Variants in KCNIP4 observed in about 807,000 individuals in gnomAD.
The protein encoded by KCNIP4 is Kv channel-interacting protein 4.
A neutral mutation model predicts 34.0 loss-of-function variants in KCNIP4; 12 were observed. The ratio of observed to expected loss-of-function variants is 0.35; its 90% CI spans 0.23 to 0.57. KCNIP4 has a LOEUF of 0.57. Among genes scored for constraint, KCNIP4 ranks in the 20% least tolerant of loss-of-function variants. The pLI is 0.83. For synonymous variants in KCNIP4, 124 were observed against 102.2 expected, an observed-to-expected ratio of 1.21 and a Z score of -1.29; for missense variants, 238 against 311.7, an observed-to-expected ratio of 0.76 and a Z score of 1.78.
intron 1 of KCNIP4, among the ~76,000 whole-genome samples, chr4:20,961,193 G>T (rs1057020679): frequency 6.6e-6 from 1 of 152,066 alleles, no homozygotes; most frequent in African/African-American, 2.4e-5. Context: ...AAAATAATAT[G>T]CAAGGCAAAT....
chr4:21,669,791 C>T (rs1319764377), intron 1 of KCNIP4, among the ~76,000 whole-genome samples: 2 of 152,136 alleles, frequency 1.3e-5, no homozygotes, highest in East Asian at 1.9e-4. Context: ...TTGCTATGCA[C>T]GAGCTTTTCA....
At chr4:21,222,088 T>C (rs537734566) in intron 1 of KCNIP4, among the ~76,000 whole-genome samples, 1 of 152,320 alleles carries the variant, frequency 6.6e-6, no homozygotes, top group South Asian at 2.1e-4. Context: ...CTTAGAGCAA[T>C]AGAAGTGACT....
At chr4:21,242,552 G>A (rs6833463) in intron 1 of KCNIP4, among the ~76,000 whole-genome samples, 33,813 of 152,058 alleles carry the variant, frequency 0.22, 4,221 homozygotes, top group South Asian at 0.43. Context: ...CAGTTAAGTA[G>A]ATTGCCACCT....
In KCNIP4 at chr4:21,285,654, C is replaced by T. The variant is rs1266376125; in HGVS notation, c.62-402945G>A. On this transcript the variant is annotated intron_variant, in intron 1 of 8. Transcript: ENST00000382152. ...GATCAGCCTGGCCAACTTGGTGAAA[C>T]TCCGTCTCTACTAAAAATCCAAAAA... is the stretch of plus-strand genomic sequence containing the variant. 3.3e-5 allele frequency among the ~76,000 whole-genome samples: 5 copies of T among 151,954 alleles called. No individual in the cohort carries two copies. The East Asian group carries it at 9.8e-4, about 30-fold the overall frequency.
At chr4:21,632,136 A>G (rs1745809726) in intron 1 of KCNIP4, among the ~76,000 whole-genome samples, 2 of 152,142 alleles carry the variant, frequency 1.3e-5, no homozygotes. Context: ...ATCTTCTAAC[A>G]TAATAGATTC....
intron 4 of KCNIP4, among the ~76,000 whole-genome samples, chr4:20,758,074 G>A (rs1367052210): frequency 6.6e-6 from 1 of 152,236 alleles, no homozygotes; most frequent in South Asian, 2.1e-4. Flanking sequence ...CCCCCTACGT[G>A]ATCAGCACCT....
intron 1 of KCNIP4, among the ~76,000 whole-genome samples, chr4:21,572,874 G>T (rs1391855503): frequency 6.6e-6 from 1 of 152,070 alleles, no homozygotes; most frequent in Admixed American, 6.6e-5. Context: ...TGATCCACTG[G>T]CCTCTGGCTC....
intron 1 of KCNIP4, among the ~76,000 whole-genome samples, chr4:21,078,983 C>T (rs1745765177): frequency 6.6e-6 from 1 of 152,064 alleles, no homozygotes; most frequent in African/African-American, 2.4e-5. Flanking sequence ...CTGTAGGAGC[C>T]TCCCTCTTGG....
At chr4:20,875,340 A>G (rs920477741) in intron 2 of KCNIP4, among the ~76,000 whole-genome samples, 1 of 152,194 alleles carries the variant, frequency 6.6e-6, no homozygotes, top group Non-Finnish European at 1.5e-5. Context: ...TGATTCAGAA[A>G]TTAAATAATC....
intron 1 of KCNIP4, among the ~76,000 whole-genome samples, chr4:21,137,491 A>G (rs1054752989): frequency 6.6e-6 from 1 of 152,172 alleles, no homozygotes; most frequent in Non-Finnish European, 1.5e-5. Flanking sequence ...TCTTTAGTTA[A>G]AAAAAGAGGC....
At chr4:21,491,738 A>G (rs1180260716) in intron 1 of KCNIP4, among the ~76,000 whole-genome samples, 2 of 152,130 alleles carry the variant, frequency 1.3e-5, no homozygotes, top group African/African-American at 4.8e-5. Context: ...AAACATCTAC[A>G]TTTTAAGGTT....
chr4:21,101,968 T>C (rs1747987217), intron 1 of KCNIP4, among the ~76,000 whole-genome samples: 1 of 152,062 alleles, frequency 6.6e-6, no homozygotes, highest in Non-Finnish European at 1.5e-5. Flanking sequence ...GGTGGAAAGA[T>C]GGAGACACAA....
At chr4:20,814,906 T>C (rs1010377245) in intron 3 of KCNIP4, among the ~76,000 whole-genome samples, 11 of 152,214 alleles carry the variant, frequency 7.2e-5, no homozygotes, top group Non-Finnish European at 1.6e-4. Flanking sequence ...GATAGTTTTC[T>C]AATTTTGGAT....
At chr4:21,804,505 G>T (rs192714819) in intron 1 of KCNIP4, among the ~76,000 whole-genome samples, 32 of 152,168 alleles carry the variant, frequency 2.1e-4, no homozygotes, top group Non-Finnish European at 2.8e-4. Flanking sequence ...CCTGTGACTT[G>T]GTTGTAGAAG....
chr4:20,810,602 C>T (rs1010868836), intron 3 of KCNIP4, among the ~76,000 whole-genome samples: 3 of 152,112 alleles, frequency 2.0e-5, no homozygotes, highest in Non-Finnish European at 4.4e-5. Context: ...CAGCTTTAGT[C>T]TTCCATGTGA....
At chr4:20,843,702 C>A (rs550936687) in intron 3 of KCNIP4, among the ~76,000 whole-genome samples, 1 of 152,100 alleles carries the variant, frequency 6.6e-6, no homozygotes. Context: ...TGCATTCCAG[C>A]CTGGGTGACA....
chr4:21,216,345 A>G (rs773567817), intron 1 of KCNIP4, among the ~76,000 whole-genome samples: 4 of 152,214 alleles, frequency 2.6e-5, no homozygotes, highest in Non-Finnish European at 4.4e-5. Context: ...CTTTCACTAT[A>G]TGTAATTTTT....
At chr4:21,536,081 A>G (rs1338072281) in intron 1 of KCNIP4, among the ~76,000 whole-genome samples, 3 of 152,138 alleles carry the variant, frequency 2.0e-5, no homozygotes, top group Non-Finnish European at 4.4e-5. Flanking sequence ...AAACTCTCAC[A>G]GAAACTAGGC....
chr4:21,407,989 C>T (rs888844647), intron 1 of KCNIP4, among the ~76,000 whole-genome samples: 22 of 152,182 alleles, frequency 1.4e-4, no homozygotes, highest in Non-Finnish European at 3.2e-4. Context: ...AACTGAATCT[C>T]TCTAGGCCAC....
Sources: gnomAD v4.1 joint callset for allele counts (sites outside exome capture counted in the v4.1 genomes callset) on GRCh38, gnomAD v4.1.1 for gene constraint, MANE v1.5 for transcripts, NCBI Gene and HGNC (gene_info 2026-07-23, HGNC 2026-07-21) for gene names.